The following HOXB3 variants were observed in gnomAD, a reference collection of about 807,000 sequenced individuals.
HOXB3 encodes homeobox protein Hox-B3.
Under a neutral mutation model 29.2 loss-of-function variants are expected in HOXB3, and 17 were observed. The observed-to-expected ratio is 0.58, with a 90% confidence interval of 0.40 to 0.87. The LOEUF (loss-of-function observed/expected upper bound fraction) is 0.87. HOXB3 is among the 40% of genes least tolerant of loss of function. HOXB3 has a pLI of 0.00. For missense variants in HOXB3, 637 were observed against 616.3 expected, an observed-to-expected ratio of 1.03 and a Z score of -0.35; for synonymous variants, 317 against 285.9, an observed-to-expected ratio of 1.11 and a Z score of -1.10.
At chr17:48,584,092 G>C (rs2144914007) in intron 1 of HOXB3, among the ~76,000 whole-genome samples, 1 of 152,322 alleles carries the variant, frequency 6.6e-6, no homozygotes, top group African/African-American at 2.4e-5. Flanking sequence ...TATAATTACT[G>C]AGTCTCTCTA....
At chr17:48,555,341 A>AGAGAGAGAGG (rs2068928827) in intron 3 of HOXB3, 190 bp downstream of exon 3, 5 of 438,182 alleles carry the variant, frequency 1.1e-5, no homozygotes, top group Admixed American at 4.0e-5. Context: ...AGAGGGAGAG[A>AGAGAGAGAGG]GAGAGAGAGA....
intron 1 of HOXB3, among the ~76,000 whole-genome samples, chr17:48,587,799 AT>A (rs2070074682): frequency 1.3e-5 from 2 of 152,224 alleles, no homozygotes; most frequent in African/African-American, 4.8e-5. Context: ...AACAAAACAA[AT>A]AACCAAATAA....
At position 48,552,539 on chromosome 17, in the gene HOXB3, T is replaced by C. The variant is rs936448109; in HGVS notation, c.-65A>G. On this transcript the variant is annotated 5_prime_UTR_variant, in exon 4 of 5. An upstream start codon of the reference 5' UTR is lost. Transcript: ENST00000498678. The stretch of plus-strand genomic sequence containing the variant: ...GGCCTGATACCCTCAGGACCGGACA[T>C]TGGCAACCCTGGGGGTCACGTGACA... The C allele has an allele frequency of 2.0e-5, 26 of 1,317,382 alleles. No homozygotes were observed. The highest frequency in any genetic ancestry group is 5.0e-5 in the Admixed American group (2 of 39,998). 81.6% of individuals were successfully genotyped at this position (1,317,382 alleles called of 1,614,324 possible).
At chr17:48,579,976 C>T (rs756077060) in intron 1 of HOXB3, 35 of 506,888 alleles carry the variant, frequency 6.9e-5, no homozygotes, top group Non-Finnish European at 7.6e-5. Flanking sequence ...TCCAGTTCTC[C>T]TACTTTCCGC....
Position 48,550,857 on chromosome 17 carries a change from C to A in HOXB3, c.773G>T (p.Gly258Val). 1 of 1,613,766 alleles carries A rather than the reference C, an allele frequency of 6.2e-7. No homozygotes were observed. Among genetic ancestry groups the A allele is most frequent in the Non-Finnish European group, 8.5e-7 (1 of 1,179,862 alleles). ...CGGGGGGCTGCCGGCTGGAGATGGGCCCCCCGACGACGAGGCCAATCCCTT... is the reference window on the plus strand; with the variant it reads ...CGGGGGGCTGCCGGCTGGAGATGGGACCCCCGACGACGAGGCCAATCCCTT... ...KAKGLASSSGGPSPAGSPPQP... is the reference protein window; with the variant it reads ...KAKGLASSSGVPSPAGSPPQP... The change falls in exon 5 of 5, where the codon GGC becomes GTC. Residue 258 changes from glycine (G) to valine (V), a missense_variant. Physicochemically the swap from Gly to Val is moderately radical, Grantham distance 109 (BLOSUM62 -3). Coordinates refer to ENST00000498678, the MANE Select transcript of HOXB3 (RefSeq NM_001384749.1).
At chr17:48,573,025 C>T (rs2069637410) in intron 2 of HOXB3, among the ~76,000 whole-genome samples, 1 of 152,146 alleles carries the variant, frequency 6.6e-6, no homozygotes, top group Non-Finnish European at 1.5e-5. Context: ...GAAAAAGGGC[C>T]AACACATTCA....
chr17:48,555,337 A>AGAGG (rs1555636179), intron 3 of HOXB3, 194 bp downstream of exon 3: 1 of 348,884 alleles, frequency 2.9e-6, no homozygotes, highest in Non-Finnish European at 5.0e-6. Context: ...AGAGAGAGGG[A>AGAGG]GAGAGAGAGA....
At chr17:48,578,232 G>T in intron 1 of HOXB3, 1 of 1,614,068 alleles carries the variant, frequency 6.2e-7, no homozygotes, top group African/African-American at 1.3e-5. Context: ...TGGTCGCTGG[G>T]TAGGTAATCG....
chr17:48,552,518 T>C lies in HOXB3; in HGVS notation c.-44A>G. ...CAGTGGGTGGCAACTTGGAAAGGCCTGATACCCTCAGGACCGGACATTGGC... is the reference window on the plus strand; with the variant it reads ...CAGTGGGTGGCAACTTGGAAAGGCCCGATACCCTCAGGACCGGACATTGGC... On this transcript the variant is annotated 5_prime_UTR_variant, in exon 4 of 5. Coordinates refer to ENST00000498678, the MANE Select transcript of HOXB3 (RefSeq NM_001384749.1). 1.3e-6 allele frequency: 2 copies of C among 1,486,888 alleles called. No homozygotes were observed. Among genetic ancestry groups the C allele is most frequent in the Non-Finnish European group, 1.8e-6 (2 of 1,097,940 alleles). The allele number at this position is 1,486,888 out of a possible 1,614,324, so 92.1% of individuals were successfully genotyped here.
At chr17:48,577,099 A>G in intron 1 of HOXB3, 3 of 1,372,940 alleles carry the variant, frequency 2.2e-6, no homozygotes, top group East Asian at 2.3e-5. Context: ...CAGGGAACAC[A>G]GCGTTTCCCT....
At position 48,555,631 on chromosome 17, in the gene HOXB3, G is replaced by A. The variant is rs768361178; in HGVS notation, c.-246-13C>T. 3.1e-5 allele frequency: 22 copies of A among 702,238 alleles called. No individual in the cohort carries two copies. Among genetic ancestry groups the A allele is most frequent in the Non-Finnish European group, 4.9e-5 (19 of 384,694 alleles). 43.5% of individuals were successfully genotyped at this position (702,238 alleles called of 1,614,324 possible). A position where few individuals can be genotyped will look rare whatever the true frequency, so the allele number is the denominator to read the frequency against. ...CAAATCTCCCCTCCTTGAAGGCAAA[G>A]GAAAAAAAGACCACTGTTTAAAGCT... On this transcript the variant is annotated splice_polypyrimidine_tract_variant and intron_variant, in intron 2 of 4. Transcript: ENST00000498678.
intron 1 of HOXB3, chr17:48,581,462 C>G (rs1180183629): frequency 6.6e-6 from 1 of 152,276 alleles, no homozygotes; most frequent in Admixed American, 6.5e-5. Context: ...GCTAGGATCC[C>G]CACCAGCTCC....
intron 2 of HOXB3, among the ~76,000 whole-genome samples, chr17:48,564,632 G>A (rs1479057497): frequency 2.6e-5 from 4 of 152,236 alleles, no homozygotes; most frequent in African/African-American, 7.2e-5. Flanking sequence ...CGAGAGGAGC[G>A]GCAACTGACA....
chr17:48,567,942 A>G (rs555938674), intron 2 of HOXB3, among the ~76,000 whole-genome samples: 3 of 152,014 alleles, frequency 2.0e-5, no homozygotes, highest in South Asian at 4.2e-4. Flanking sequence ...GCTTGCCTCC[A>G]TTGTCTCCCC....
At chr17:48,553,222 A>G (rs991543554) in intron 3 of HOXB3, 2 of 152,330 alleles carry the variant, frequency 1.3e-5, no homozygotes, top group Non-Finnish European at 2.9e-5. Flanking sequence ...CAACAGCCTG[A>G]CCTAGAAACT....
Position 48,550,713 on chromosome 17 carries a change from G to C in HOXB3, c.917C>G (p.Ser306Cys), listed in dbSNP as rs763880014. 1 of 1,548,574 alleles carries C rather than the reference G, an allele frequency of 6.5e-7. No individual in the cohort carries two copies. Among genetic ancestry groups the C allele is most frequent in the Non-Finnish European group, 8.7e-7 (1 of 1,146,448 alleles). Residue 306 changes from serine (S) to cysteine (C), a missense_variant, in exon 5 of 5, where the codon TCC (serine) becomes TGC (cysteine). Coordinates refer to ENST00000498678, the MANE Select transcript of HOXB3 (RefSeq NM_001384749.1). ...GCCTTTGAGAGGGGGCTGGTAGTTG[G>C]AGGGCAGCGCGTAGGCATTCTGGTG... Reference protein sequence around the residue: ...KAHQNAYALPSNYQPPLKGCG... With the variant: ...KAHQNAYALPCNYQPPLKGCG...
At chr17:48,572,114 T>C (rs530094575) in intron 2 of HOXB3, among the ~76,000 whole-genome samples, 1 of 152,318 alleles carries the variant, frequency 6.6e-6, no homozygotes, top group South Asian at 2.1e-4. Flanking sequence ...TGTTCAGGGC[T>C]CACTGTTTGG....
At position 48,550,109 on chromosome 17, in the gene HOXB3, G is replaced by A; in HGVS notation, c.*225C>T. ...TTGATGGGGTCATCTCCAATATGATGTGGATTCCTTTCCGATGGGTTGGCA... is the reference window on the plus strand; with the variant it reads ...TTGATGGGGTCATCTCCAATATGATATGGATTCCTTTCCGATGGGTTGGCA... On this transcript the variant is annotated 3_prime_UTR_variant, in exon 5 of 5. Transcript: ENST00000498678. 1 of 573,938 alleles carries A rather than the reference G, an allele frequency of 1.7e-6. No homozygotes were observed. Among genetic ancestry groups the A allele is most frequent in the Non-Finnish European group, 3.1e-6 (1 of 325,342 alleles). 35.6% of individuals were successfully genotyped at this position (573,938 alleles called of 1,614,324 possible).
intron 2 of HOXB3, among the ~76,000 whole-genome samples, chr17:48,558,642 C>T (rs1440302835): frequency 6.6e-6 from 1 of 151,996 alleles, no homozygotes; most frequent in Non-Finnish European, 1.5e-5. Context: ...CCCTAAGGGC[C>T]CCTGTTTGGA....
Sources: gnomAD v4.1 joint callset for allele counts (sites outside exome capture counted in the v4.1 genomes callset) on GRCh38, gnomAD v4.1.1 for gene constraint, MANE v1.5 for transcripts, NCBI Gene and HGNC (gene_info 2026-07-23, HGNC 2026-07-21) for gene names.